The following LDLRAD3 variants were observed in gnomAD, a reference collection of about 807,000 sequenced individuals.
LDLRAD3 encodes low density lipoprotein receptor class A domain containing 3.
In LDLRAD3, 20 loss-of-function variants were observed where a neutral mutation model predicts 29.4. That is an observed-to-expected ratio of 0.68 (90% confidence interval 0.48 to 0.99). LDLRAD3 has a LOEUF of 0.99. Among genes scored for constraint, LDLRAD3 ranks in the 50% least tolerant of loss-of-function variants. The probability of loss-of-function intolerance (pLI) is 0.00; values close to 1 mark genes in which losing one functional copy is unlikely to be tolerated. For synonymous variants in LDLRAD3, 157 were observed against 192.7 expected (o/e 0.81, Z 1.53); for missense variants, 420 against 454.3 (o/e 0.92, Z 0.69).
At chr11:36,167,320 A>G (rs73437272) in intron 4 of LDLRAD3, among the ~76,000 whole-genome samples, 3,430 of 152,270 alleles carry the variant, frequency 0.023, 118 homozygotes, top group African/African-American at 0.074. Context: ...TGTTAATCTC[A>G]TCTGAAGAAA....
chr11:36,144,487 C>T (rs1298461126), intron 4 of LDLRAD3, among the ~76,000 whole-genome samples: 2 of 148,862 alleles, frequency 1.3e-5, no homozygotes, highest in African/African-American at 5.0e-5. Context: ...AAGTGAGGAG[C>T]GTCTCTGCCT....
At chr11:36,206,941 T>C (rs1855219062) in intron 4 of LDLRAD3, among the ~76,000 whole-genome samples, 1 of 152,112 alleles carries the variant, frequency 6.6e-6, no homozygotes, top group Non-Finnish European at 1.5e-5. Flanking sequence ...TTGGCCAGGC[T>C]GGTCTCAAAC....
At chr11:36,011,249 T>G (rs558743948) in intron 1 of LDLRAD3, among the ~76,000 whole-genome samples, 1 of 152,360 alleles carries the variant, frequency 6.6e-6, no homozygotes, top group Admixed American at 6.5e-5. Context: ...GTTTTTGATG[T>G]GCTCAAGTCT....
intron 4 of LDLRAD3, among the ~76,000 whole-genome samples, chr11:36,169,709 G>A (rs549505405): frequency 6.6e-6 from 1 of 152,144 alleles, no homozygotes; most frequent in African/African-American, 2.4e-5. Flanking sequence ...TCCATTGATG[G>A]GCACTTATGT....
Position 36,081,710 on chromosome 11 carries a change from G to A in LDLRAD3, c.251G>A (p.Cys84Tyr). ...TTCCCCTGTGCCAGCGGCATCCATT[G>A]CATCATTGGTCGCTTCCGGTGCAAT... ...TFFPCASGIHCIIGRFRCNGF... is the reference protein window; with the variant it reads ...TFFPCASGIHYIIGRFRCNGF... The change falls in exon 3 of 6, where the codon TGC (cysteine) becomes TAC (tyrosine). Residue 84 changes from cysteine (C) to tyrosine (Y), a missense_variant. Coordinates refer to ENST00000315571, the MANE Select transcript of LDLRAD3 (RefSeq NM_174902.4). 1 of 1,614,204 alleles carries A rather than the reference G, an allele frequency of 6.2e-7. No individual in the cohort carries two copies. Among genetic ancestry groups the A allele is most frequent in the South Asian group, 1.1e-5 (1 of 91,086 alleles).
chr11:36,069,069 T>C (rs779517254), intron 2 of LDLRAD3, among the ~76,000 whole-genome samples: 30 of 152,274 alleles, frequency 2.0e-4, no homozygotes, highest in Non-Finnish European at 4.0e-4. Context: ...AAATAATACA[T>C]TGCAATATCT....
At chr11:35,964,178 A>T (rs1565127987) in intron 1 of LDLRAD3, among the ~76,000 whole-genome samples, 1 of 152,194 alleles carries the variant, frequency 6.6e-6, no homozygotes. Context: ...TCTACTAGGA[A>T]CACTCCTACT....
chr11:36,118,441 A>G (rs1337553139), intron 4 of LDLRAD3, among the ~76,000 whole-genome samples: 6 of 151,962 alleles, frequency 3.9e-5, no homozygotes, highest in Non-Finnish European at 8.8e-5. Context: ...TCAGCACATT[A>G]CTACTGTGCC....
chr11:36,084,258 C>G (rs567229006), intron 3 of LDLRAD3, among the ~76,000 whole-genome samples: 1 of 152,198 alleles, frequency 6.6e-6, no homozygotes, highest in Non-Finnish European at 1.5e-5. Flanking sequence ...TAAATTATAC[C>G]CATTCCAAAC....
At chr11:36,073,227 G>C (rs556770930) in intron 2 of LDLRAD3, among the ~76,000 whole-genome samples, 1 of 152,172 alleles carries the variant, frequency 6.6e-6, no homozygotes, top group Non-Finnish European at 1.5e-5. Flanking sequence ...AAAAAGTGGG[G>C]ACATGACTTA....
intron 1 of LDLRAD3, among the ~76,000 whole-genome samples, chr11:36,030,800 C>A (rs184713089): frequency 6.6e-6 from 1 of 152,180 alleles, no homozygotes; most frequent in East Asian, 1.9e-4. Context: ...TGCATCATGA[C>A]AAGGGGTCCC....
intron 2 of LDLRAD3, among the ~76,000 whole-genome samples, chr11:36,060,666 CTCTTG>C (rs1189160460): frequency 6.6e-6 from 1 of 152,146 alleles, no homozygotes; most frequent in Non-Finnish European, 1.5e-5. Flanking sequence ...CACCAAAAAT[CTCTTG>C]TCTTATAAAG....
intron 4 of LDLRAD3, among the ~76,000 whole-genome samples, chr11:36,209,573 T>TG (rs1469380254): frequency 3.3e-5 from 5 of 152,088 alleles, no homozygotes; most frequent in Non-Finnish European, 7.4e-5. Flanking sequence ...TTGGTCAGGC[T>TG]GGTCTCGAAC....
At chr11:36,113,436 TAAAAA>T (rs1178814303) in intron 4 of LDLRAD3, among the ~76,000 whole-genome samples, 13 of 146,224 alleles carry the variant, frequency 8.9e-5, no homozygotes, top group Admixed American at 4.1e-4. Flanking sequence ...AGACTGAAAT[TAAAAA>T]AAAAAGAAAG....
chr11:36,125,001 G>A (rs1565240299), intron 4 of LDLRAD3, among the ~76,000 whole-genome samples: 1 of 152,082 alleles, frequency 6.6e-6, no homozygotes, highest in Non-Finnish European at 1.5e-5. Flanking sequence ...AAGGGTCTTT[G>A]CAGGTGCTGT....
In LDLRAD3 at chr11:36,213,310, T is replaced by C. The variant is rs1417357159; in HGVS notation, c.455-13775T>C. Among the ~76,000 whole-genome samples, 1 of 152,202 alleles carries C rather than the reference T, an allele frequency of 6.6e-6. No homozygotes were observed. The highest frequency in any genetic ancestry group is 1.9e-4 in the East Asian group (1 of 5,178). The stretch of plus-strand genomic sequence containing the variant: ...AGTTTTCCCATCACCCTCTTTTCAG[T>C]TAATTTTAGCAACTTGAGTTGCCAT... On this transcript the variant is annotated intron_variant, in intron 4 of 5. Coordinates refer to ENST00000315571, the MANE Select transcript of LDLRAD3 (RefSeq NM_174902.4). The surrounding 1 kb of genome is among the most constrained non-coding windows in gnomAD (Gnocchi z 4.1).
chr11:36,125,875 G>A (rs78423435), intron 4 of LDLRAD3, among the ~76,000 whole-genome samples: 15,923 of 152,050 alleles, frequency 0.1, 1,092 homozygotes, highest in African/African-American at 0.2. Context: ...GTCCTGTTCC[G>A]TCCCCTCCCA....
intron 4 of LDLRAD3, among the ~76,000 whole-genome samples, chr11:36,158,663 A>G (rs1003261279): frequency 6.6e-6 from 1 of 151,438 alleles, no homozygotes; most frequent in African/African-American, 2.4e-5. Flanking sequence ...TGTTCTGTAT[A>G]TCATCATATC....
chr11:35,976,272 A>G (rs1318835398), intron 1 of LDLRAD3, among the ~76,000 whole-genome samples: 1 of 152,118 alleles, frequency 6.6e-6, no homozygotes, highest in Non-Finnish European at 1.5e-5. Flanking sequence ...TTAGATCCTT[A>G]TGTCCCTTCA....
Sources: gnomAD v4.1 joint callset for allele counts (sites outside exome capture counted in the v4.1 genomes callset) on GRCh38, gnomAD v4.1.1 for gene constraint, Gnocchi (gnomAD v3.1) non-coding constraint, MANE v1.5 for transcripts, NCBI Gene and HGNC (gene_info 2026-07-23, HGNC 2026-07-21) for gene names.